The following LUC7L2 variants were observed in gnomAD, a reference collection of about 807,000 sequenced individuals.
LUC7L2 encodes putative RNA-binding protein Luc7-like 2.
In LUC7L2, 25 loss-of-function variants were observed where a neutral mutation model predicts 52.8. The observed-to-expected ratio is 0.47, with a 90% confidence interval of 0.34 to 0.66. The LOEUF is 0.66. Ranked by LOEUF, LUC7L2 falls within the 30% of genes least tolerant of loss-of-function variation. The pLI, the probability that LUC7L2 is intolerant of heterozygous loss-of-function variation, is 0.01. For missense variants in LUC7L2, 328 were observed against 497.8 expected (o/e 0.66, Z 3.25); for synonymous variants, 144 against 160.9 (o/e 0.89, Z 0.80).
Position 139,412,560 on chromosome 7 carries a change from A to G in LUC7L2, c.789A>G (p.Ser263=). 2 of 1,605,704 alleles carry G rather than the reference A, an allele frequency of 1.2e-6. No individual in the cohort carries two copies. The highest frequency in any genetic ancestry group is 1.7e-6 in the Non-Finnish European group (2 of 1,177,442). The change falls in exon 8 of 10, where the codon TCA becomes TCG. Residue 263 remains serine (S), a synonymous_variant. Transcript: ENST00000354926. ...TATTTTTTTTTTTTAGGTCCCGATC[A>G]CACAGCAAGAATCCAAAAAGGTAGG... ...EEREKLRRSR[S]HSKNPKRSRS...
rs754031356 is a variant in LUC7L2, at chr7:139,341,511, C to T, written c.-26+994C>T. ...CTATCGGTACCTTGTGAAGGCTTTC[C>T]GTGCACATCGGGTACGGGAGCCATG... On this transcript the variant is annotated intron_variant, in intron 1 of 10. Transcript: ENST00000541170. The T allele has an allele frequency of 3.1e-6, 5 of 1,612,734 alleles. No homozygotes were observed. In the South Asian group the frequency reaches 3.3e-5, roughly 11 times the overall value.
At chr7:139,418,784 C>T (rs962017544) in intron 9 of LUC7L2, among the ~76,000 whole-genome samples, 2 of 152,044 alleles carry the variant, frequency 1.3e-5, no homozygotes, top group South Asian at 2.1e-4. Context: ...ATAAGAAAGA[C>T]GTATAACATA....
intron 5 of LUC7L2, among the ~76,000 whole-genome samples, 170 bp from the exon 6 acceptor site, chr7:139,407,000 GGTTT>G (rs1303220914): frequency 9.0e-6 from 1 of 111,612 alleles, no homozygotes; most frequent in African/African-American, 3.8e-5. Context: ...ATGCTTTTGT[GGTTT>G]TTTTTTTTTT....
At chr7:139,367,637 G>A (rs1800231785) in intron 1 of LUC7L2, among the ~76,000 whole-genome samples, 1 of 152,150 alleles carries the variant, frequency 6.6e-6, no homozygotes, top group Admixed American at 6.5e-5. Flanking sequence ...ACTGTTCCAG[G>A]GAGTATTCAT....
chr7:139,418,936 A>G (rs1319579017), intron 9 of LUC7L2, among the ~76,000 whole-genome samples: 1 of 151,878 alleles, frequency 6.6e-6, no homozygotes, highest in Non-Finnish European at 1.5e-5. Context: ...TGGCCAACCA[A>G]CCCCATCTCT....
intron 1 of LUC7L2, among the ~76,000 whole-genome samples, chr7:139,348,975 A>G (rs11761971): frequency 0.24 from 36,692 of 152,074 alleles, 4,755 homozygotes; most frequent in African/African-American, 0.34. Context: ...ATCCTGGCCA[A>G]CATAGTGAAA....
chr7:139,406,352 CTTTT>C (rs58282436), intron 5 of LUC7L2, among the ~76,000 whole-genome samples: 14 of 132,506 alleles, frequency 1.1e-4, no homozygotes, highest in African/African-American at 1.4e-4. Context: ...GCACCAGGGC[CTTTT>C]TTTTTTTTTT....
intron 6 of LUC7L2, among the ~76,000 whole-genome samples, chr7:139,409,101 C>T (rs2131298325): frequency 6.6e-6 from 1 of 152,000 alleles, no homozygotes; most frequent in East Asian, 1.9e-4. Context: ...GGTGCTACTG[C>T]ACTCCAGTCT....
At chr7:139,343,141 C>T (rs144283649) in intron 1 of LUC7L2, among the ~76,000 whole-genome samples, 123 of 152,312 alleles carry the variant, frequency 8.1e-4, no homozygotes, top group African/African-American at 2.8e-3. Flanking sequence ...GAATCAAGAG[C>T]AGTATTCTAT....
intron 7 of LUC7L2, among the ~76,000 whole-genome samples, chr7:139,410,994 T>C (rs1383893829): frequency 1.3e-5 from 2 of 152,220 alleles, no homozygotes; most frequent in African/African-American, 4.8e-5. Flanking sequence ...TCAGAGCTTT[T>C]ATCTACTTGT....
intron 1 of LUC7L2, among the ~76,000 whole-genome samples, chr7:139,362,553 A>G (rs1371635610): frequency 1.3e-5 from 2 of 151,902 alleles, no homozygotes; most frequent in African/African-American, 4.8e-5. Context: ...TAAGAGGTGG[A>G]AATGGGTATC....
chr7:139,423,247 C>T lies in LUC7L2; in HGVS notation c.*907C>T, dbSNP rs552205848. 1.0e-5 allele frequency: 4 copies of T among 398,978 alleles called. No individual in the cohort carries two copies. In the South Asian group the frequency reaches 3.8e-4, roughly 38 times the overall value. 24.7% of individuals were successfully genotyped at this position (398,978 alleles called of 1,614,324 possible). ...CTATTCTGTTACGTCATTAACAGTG[C>T]CTTACTGTGCAAGGCACCAAAGGAC... On this transcript the variant is annotated 3_prime_UTR_variant, in exon 10 of 10. Coordinates refer to ENST00000354926, the MANE Select transcript of LUC7L2 (RefSeq NM_016019.5).
At chr7:139,385,560 A>T (rs1406001291) in intron 2 of LUC7L2, among the ~76,000 whole-genome samples, 2 of 152,050 alleles carry the variant, frequency 1.3e-5, no homozygotes, top group Non-Finnish European at 2.9e-5. Context: ...GCCTCAAGGG[A>T]TCCTCACACC....
chr7:139,384,547 T>C (rs1378502324), intron 2 of LUC7L2, among the ~76,000 whole-genome samples: 1 of 152,166 alleles, frequency 6.6e-6, no homozygotes, highest in Non-Finnish European at 1.5e-5. Context: ...ACTGCCTAAA[T>C]AAAAAATGCA....
chr7:139,406,011 G>C (rs1225547282), intron 5 of LUC7L2, among the ~76,000 whole-genome samples: 1 of 152,186 alleles, frequency 6.6e-6, no homozygotes, highest in Non-Finnish European at 1.5e-5. Context: ...CTATTTTGCA[G>C]GCTAAGGTGG....
intron 1 of LUC7L2, chr7:139,363,236 G>A: frequency 1.0e-6 from 1 of 985,394 alleles, no homozygotes; most frequent in Non-Finnish European, 1.2e-6. Flanking sequence ...CTGGCATACT[G>A]CATAAATGGA....
chr7:139,421,380 A>C (rs6946113), intron 9 of LUC7L2, among the ~76,000 whole-genome samples: 58,375 of 152,088 alleles, frequency 0.38, 15,629 homozygotes, highest in African/African-American at 0.76. Context: ...GGAAGTATGG[A>C]AGATTCCATG....
rs1427320769 is a variant in LUC7L2, at chr7:139,417,529, G to A, written c.810-9G>A. 1 of 1,605,362 alleles carries A rather than the reference G, an allele frequency of 6.2e-7. No individual in the cohort carries two copies. Among genetic ancestry groups the A allele is most frequent in the Non-Finnish European group, 8.5e-7 (1 of 1,172,860 alleles). On this transcript the variant is annotated splice_polypyrimidine_tract_variant and intron_variant, in intron 8 of 9. Coordinates refer to ENST00000354926, the MANE Select transcript of LUC7L2 (RefSeq NM_016019.5). Reference sequence around the variant, plus strand: ...AAAGGTAGAAACAAAATCAAATCTTGTCTGGTAGATCCAGGTCCAGAGAGC... The same window carrying A: ...AAAGGTAGAAACAAAATCAAATCTTATCTGGTAGATCCAGGTCCAGAGAGC...
At chr7:139,343,354 A>G (rs1799094629) in intron 1 of LUC7L2, among the ~76,000 whole-genome samples, 1 of 152,248 alleles carries the variant, frequency 6.6e-6, no homozygotes, top group Admixed American at 6.5e-5. Flanking sequence ...CATGATCTGC[A>G]GATCCTAAAA....
Sources: allele counts gnomAD v4.1 joint callset (sites outside exome capture counted in the v4.1 genomes callset), GRCh38; gene constraint gnomAD v4.1.1; transcripts MANE v1.5; gene names NCBI Gene and HGNC (gene_info 2026-07-23, HGNC 2026-07-21).